Variants in CRPPA observed in about 807,000 individuals in gnomAD.
CRPPA encodes the protein CDP-L-ribitol pyrophosphorylase A.
In CRPPA, 43 loss-of-function variants were observed where a neutral mutation model predicts 52.0. That is an observed-to-expected ratio of 0.83 (90% CI 0.65 to 1.07). The LOEUF is 1.07. CRPPA is among the 50% of genes least tolerant of loss of function. The pLI is 0.00. For missense variants in CRPPA, 629 were observed against 551.7 expected, an observed-to-expected ratio of 1.14 and a Z score of -1.40; for synonymous variants, 250 against 203.5, an observed-to-expected ratio of 1.23 and a Z score of -1.94.
At chr7:16,111,034 A>G (rs1782252907) in intron 9 of CRPPA, among the ~76,000 whole-genome samples, 1 of 152,108 alleles carries the variant, frequency 6.6e-6, no homozygotes, top group African/African-American at 2.4e-5. Flanking sequence ...TAAGAGGTTA[A>G]TATTTAAAAT....
intron 8 of CRPPA, among the ~76,000 whole-genome samples, chr7:16,225,989 A>G (rs562889643): frequency 3.3e-5 from 5 of 152,040 alleles, no homozygotes; most frequent in Non-Finnish European, 7.4e-5. Context: ...AAACATGACC[A>G]AGATGCCTGT....
chr7:16,158,581 C>T lies in CRPPA; in HGVS notation c.1251+57485G>A, dbSNP rs116698468. On this transcript the variant is annotated intron_variant, in intron 9 of 9. Coordinates refer to ENST00000407010, the MANE Select transcript of CRPPA (RefSeq NM_001101426.4). Reference sequence around the variant, plus strand: ...AGATGTTTTTTATATCTAAAAGATGCTATATGAACTTCATGTATTGTAATT... The same window carrying T: ...AGATGTTTTTTATATCTAAAAGATGTTATATGAACTTCATGTATTGTAATT... 1.6e-3 allele frequency among the ~76,000 whole-genome samples: 240 copies of T among 152,146 alleles called. 2 individuals carry two copies. Among genetic ancestry groups the T allele is most frequent in the African/African-American group, 5.7e-3 (235 of 41,498 alleles).
chr7:16,111,190 G>A (rs187910972), intron 9 of CRPPA, among the ~76,000 whole-genome samples: 7 of 152,074 alleles, frequency 4.6e-5, no homozygotes, highest in South Asian at 4.2e-4. Context: ...CTTAACATCC[G>A]TAATCACTAG....
chr7:16,401,266 T>A (rs112623114), intron 2 of CRPPA, among the ~76,000 whole-genome samples: 28 of 152,230 alleles, frequency 1.8e-4, no homozygotes, highest in African/African-American at 6.5e-4. Context: ...AGATTTAGAG[T>A]CTTCCTCCCA....
At chr7:16,347,736 A>G (rs570114290) in intron 3 of CRPPA, among the ~76,000 whole-genome samples, 3 of 152,304 alleles carry the variant, frequency 2.0e-5, no homozygotes, top group South Asian at 4.1e-4. Flanking sequence ...AGGCACACTC[A>G]GGCACAGATT....
chr7:16,379,927 A>G (rs1787029231), intron 2 of CRPPA, among the ~76,000 whole-genome samples: 1 of 152,178 alleles, frequency 6.6e-6, no homozygotes, highest in African/African-American at 2.4e-5. Flanking sequence ...CAATCATGTC[A>G]TCTGCAAACA....
chr7:16,187,111 G>A (rs1171733259), intron 9 of CRPPA, among the ~76,000 whole-genome samples: 4 of 151,932 alleles, frequency 2.6e-5, no homozygotes, highest in African/African-American at 9.7e-5. Flanking sequence ...AATATTTTTA[G>A]TATCCAATAT....
In CRPPA at chr7:16,171,015, C is replaced by A. The variant is rs746900284; in HGVS notation, c.1251+45051G>T. Among the ~76,000 whole-genome samples, 113 of 152,358 alleles carry A rather than the reference C, an allele frequency of 7.4e-4. 1 individual carries two copies. The highest frequency in any genetic ancestry group is 1.4e-3 in the Admixed American group (22 of 15,312). On this transcript the variant is annotated intron_variant, in intron 9 of 9. Transcript: ENST00000407010. ...CAGCCTTAGCCAGCCCAGAGAGGGGCTCCCACAGTGCAGCAGCAGGCTGAA... is the reference window on the plus strand; with the variant it reads ...CAGCCTTAGCCAGCCCAGAGAGGGGATCCCACAGTGCAGCAGCAGGCTGAA...
intron 2 of CRPPA, among the ~76,000 whole-genome samples, chr7:16,394,044 C>G (rs1210860504): frequency 6.6e-6 from 1 of 152,008 alleles, no homozygotes; most frequent in African/African-American, 2.4e-5. Flanking sequence ...GTGGTGAGGA[C>G]TAGGGCAACT....
intron 3 of CRPPA, among the ~76,000 whole-genome samples, chr7:16,331,426 C>G (rs1262412202): frequency 6.6e-6 from 1 of 152,200 alleles, no homozygotes; most frequent in South Asian, 2.1e-4. Flanking sequence ...TCCTTCTACC[C>G]AATACACTAT....
In CRPPA at chr7:16,120,552, G is replaced by A. The variant is rs1250838413; in HGVS notation, c.1252-28753C>T. 3.3e-5 allele frequency among the ~76,000 whole-genome samples: 5 copies of A among 152,100 alleles called. No homozygotes were observed. The South Asian group carries it at 1.0e-3, about 31-fold the overall frequency. On this transcript the variant is annotated intron_variant, in intron 9 of 9. Coordinates refer to ENST00000407010, the MANE Select transcript of CRPPA (RefSeq NM_001101426.4). ...AGGATTTTGTAATTTCTCAAAGAAT[G>A]ATAGAAAAAGCTATAACATCATTGT...
intron 7 of CRPPA, 96 bp downstream of exon 7, chr7:16,258,821 CTCA>C (rs1783716432): frequency 1.5e-6 from 1 of 673,236 alleles, no homozygotes; most frequent in East Asian, 3.0e-5. Context: ...TGTAGAAGAA[CTCA>C]TCATAATATC....
intron 8 of CRPPA, among the ~76,000 whole-genome samples, chr7:16,256,559 C>T (rs11761078): frequency 0.12 from 19,001 of 152,056 alleles, 1,182 homozygotes; most frequent in Non-Finnish European, 0.15. Flanking sequence ...ATGGCACATA[C>T]ACACCATGGA....
chr7:16,254,835 AAG>A (rs1359735319), intron 8 of CRPPA, among the ~76,000 whole-genome samples: 1 of 148,142 alleles, frequency 6.8e-6, no homozygotes, highest in East Asian at 2.0e-4. Context: ...GAAAGAAAGA[AAG>A]AAAGAAAGAG....
intron 3 of CRPPA, among the ~76,000 whole-genome samples, chr7:16,370,660 C>A (rs963157364): frequency 6.6e-6 from 1 of 152,152 alleles, no homozygotes; most frequent in Non-Finnish European, 1.5e-5. Flanking sequence ...AAGTTTCTTA[C>A]AGCAGAGACA....
intron 3 of CRPPA, among the ~76,000 whole-genome samples, chr7:16,356,127 G>A (rs1229544080): frequency 6.6e-6 from 1 of 151,810 alleles, no homozygotes; most frequent in African/African-American, 2.4e-5. Context: ...AAAAATGTAT[G>A]TTTATAAACT....
rs980866620 is a variant in CRPPA, at chr7:16,088,542, T to G, written c.*3153A>C. The stretch of plus-strand genomic sequence containing the variant: ...ACGCCATTCTCCTGCCTAAGCCTCC[T>G]GAGTAGCTGGGACTACAGGCGCCCG... On this transcript the variant is annotated 3_prime_UTR_variant, in exon 10 of 10. Transcript: ENST00000407010. 2 of 150,804 alleles carry G rather than the reference T, an allele frequency of 1.3e-5. No homozygotes were observed. The highest frequency in any genetic ancestry group is 2.9e-5 in the Non-Finnish European group (2 of 67,920). The allele number at this position is 150,804 out of a possible 1,614,324, so 9.3% of individuals were successfully genotyped here.
At chr7:16,252,627 G>A (rs1477189711) in intron 8 of CRPPA, among the ~76,000 whole-genome samples, 1 of 152,126 alleles carries the variant, frequency 6.6e-6, no homozygotes, top group Non-Finnish European at 1.5e-5. Flanking sequence ...CATAAAATGA[G>A]TTAGAGAGGA....
At chr7:16,303,556 T>C (rs537143466) in intron 4 of CRPPA, among the ~76,000 whole-genome samples, 2 of 136,996 alleles carry the variant, frequency 1.5e-5, no homozygotes, top group South Asian at 4.8e-4. Context: ...AGGTGACACA[T>C]AAAGTTCTCC....
Sources: gnomAD v4.1 joint callset for allele counts (sites outside exome capture counted in the v4.1 genomes callset) on GRCh38, gnomAD v4.1.1 for gene constraint, MANE v1.5 for transcripts, NCBI Gene and HGNC (gene_info 2026-07-23, HGNC 2026-07-21) for gene names.